SORCS2: variants seen among roughly 807,000 people sequenced by gnomAD.
SORCS2 encodes the protein VPS10 domain-containing receptor SorCS2.
SORCS2 carries 100 observed loss-of-function variants against 141.6 expected under a neutral mutation model. The ratio of observed to expected loss-of-function variants is 0.71; its 90% confidence interval spans 0.60 to 0.83. SORCS2 has a LOEUF of 0.83. Among genes scored for constraint, SORCS2 ranks in the 40% least tolerant of loss-of-function variants. The pLI, the probability that SORCS2 is intolerant of heterozygous loss-of-function variation, is 0.00. For missense variants in SORCS2, 1,646 were observed against 1,560.2 expected, an observed-to-expected ratio of 1.05 and a Z score of -0.93; for synonymous variants, 789 against 676.9, an observed-to-expected ratio of 1.17 and a Z score of -2.57.
intron 2 of SORCS2, among the ~76,000 whole-genome samples, chr4:7,530,332 G>C (rs1327916028): frequency 1.3e-5 from 2 of 152,216 alleles, no homozygotes; most frequent in East Asian, 1.9e-4. Context: ...GCTGGGGTCT[G>C]AGGCAGGAGC....
At chr4:7,304,037 C>T (rs900295484) in intron 1 of SORCS2, among the ~76,000 whole-genome samples, 2 of 152,248 alleles carry the variant, frequency 1.3e-5, no homozygotes, top group Non-Finnish European at 2.9e-5. Flanking sequence ...AGATGGAAAC[C>T]CGATGTGGAG....
intron 4 of SORCS2, among the ~76,000 whole-genome samples, chr4:7,653,900 C>G (rs1280781058): frequency 6.6e-6 from 1 of 152,224 alleles, no homozygotes; most frequent in East Asian, 1.9e-4. Flanking sequence ...GGATTTCACC[C>G]TGGAGAACCT....
intron 10 of SORCS2, among the ~76,000 whole-genome samples, chr4:7,684,541 C>T (rs904898390): frequency 2.6e-5 from 4 of 152,238 alleles, no homozygotes; most frequent in African/African-American, 9.6e-5. Context: ...CTGTCTGTTT[C>T]CCACTGTCAC....
intron 1 of SORCS2, among the ~76,000 whole-genome samples, chr4:7,264,920 C>A (rs1352242799): frequency 2.0e-5 from 3 of 152,250 alleles, no homozygotes; most frequent in African/African-American, 7.2e-5. Flanking sequence ...GCTGCTCATT[C>A]CCCTGCGGTG....
intron 2 of SORCS2, among the ~76,000 whole-genome samples, chr4:7,482,460 G>A (rs1206875152): frequency 3.7e-3 from 104 of 28,206 alleles, no homozygotes; most frequent in Middle Eastern, 0.026. Flanking sequence ...CTGTATCCCC[G>A]CTGCGGACAC....
At chr4:7,211,088 AT>A (rs1331557322) in intron 1 of SORCS2, among the ~76,000 whole-genome samples, 1 of 152,138 alleles carries the variant, frequency 6.6e-6, no homozygotes, top group South Asian at 2.1e-4. Flanking sequence ...GCATTTTTGC[AT>A]TTTTTTCTTA....
chr4:7,405,847 T>G (rs2109139591), intron 2 of SORCS2, among the ~76,000 whole-genome samples: 1 of 152,266 alleles, frequency 6.6e-6, no homozygotes, highest in East Asian at 1.9e-4. Flanking sequence ...CTTGGCTGAT[T>G]GCTGTGGCCA....
At chr4:7,706,081 G>T (rs577581999) in intron 14 of SORCS2, among the ~76,000 whole-genome samples, 5 of 143,494 alleles carry the variant, frequency 3.5e-5, no homozygotes, top group East Asian at 2.0e-4. Context: ...GCTGGGCTCT[G>T]CCTGGACAGA....
intron 1 of SORCS2, among the ~76,000 whole-genome samples, chr4:7,210,009 G>A (rs1336530151): frequency 6.6e-6 from 1 of 152,266 alleles, no homozygotes; most frequent in Non-Finnish European, 1.5e-5. Context: ...GACGGGAGCA[G>A]ATGGTGACTT....
chr4:7,516,902 C>G (rs1409074574), intron 2 of SORCS2, among the ~76,000 whole-genome samples: 2 of 152,214 alleles, frequency 1.3e-5, no homozygotes, highest in Non-Finnish European at 2.9e-5. Flanking sequence ...TGTGAGGGCC[C>G]CATTCACAGC....
chr4:7,575,521 T>C (rs1287003845), intron 3 of SORCS2, among the ~76,000 whole-genome samples: 1 of 152,236 alleles, frequency 6.6e-6, no homozygotes, highest in Non-Finnish European at 1.5e-5. Context: ...TTTCATAACA[T>C]TGACAGTTGT....
In SORCS2 at chr4:7,426,789, G is replaced by T. The variant is rs538448318; in HGVS notation, c.548+30434G>T. Among the ~76,000 whole-genome samples, 116 of 152,286 alleles carry T rather than the reference G, an allele frequency of 7.6e-4. 1 individual carries two copies. Among genetic ancestry groups the T allele is most frequent in the African/African-American group, 2.7e-3 (113 of 41,550 alleles). ...GCTTGCCCAGGGTCACACAGGTAGCGAGTGGTGAGGCGAGGCCCTCCCGCA... is the reference window on the plus strand; with the variant it reads ...GCTTGCCCAGGGTCACACAGGTAGCTAGTGGTGAGGCGAGGCCCTCCCGCA... On this transcript the variant is annotated intron_variant, in intron 2 of 26. Transcript: ENST00000507866.
At chr4:7,299,188 TG>T (rs1717271284) in intron 1 of SORCS2, among the ~76,000 whole-genome samples, 1 of 148,764 alleles carries the variant, frequency 6.7e-6, no homozygotes, top group African/African-American at 2.6e-5. Context: ...TGTCCGGGGC[TG>T]GGGGTGGGCC....
At chr4:7,632,721 C>G (rs1213393262) in intron 3 of SORCS2, among the ~76,000 whole-genome samples, 2 of 152,160 alleles carry the variant, frequency 1.3e-5, no homozygotes, top group African/African-American at 4.8e-5. Context: ...ACACCAATGC[C>G]CATTCATTGG....
intron 3 of SORCS2, among the ~76,000 whole-genome samples, chr4:7,545,936 G>C (rs574390687): frequency 6.6e-6 from 1 of 152,318 alleles, no homozygotes; most frequent in East Asian, 1.9e-4. Flanking sequence ...TCAGGTTCTG[G>C]TGAGGGCTGT....
At chr4:7,657,657 G>A (rs1183701039) in intron 5 of SORCS2, among the ~76,000 whole-genome samples, 2 of 152,054 alleles carry the variant, frequency 1.3e-5, no homozygotes, top group African/African-American at 4.8e-5. Context: ...GAGTGACTGA[G>A]TGAATGAGTA....
chr4:7,580,897 AATTATAATAATAGATATGCCCTGGG>A (rs771436263), intron 3 of SORCS2, among the ~76,000 whole-genome samples: 9 of 152,166 alleles, frequency 5.9e-5, no homozygotes, highest in Non-Finnish European at 1.2e-4. Flanking sequence ...GCCTCCCCCA[AATTATAATAATAGATATGCCCTGGG>A]ATTATAATAA....
chr4:7,390,055 C>A (rs1269354408), intron 1 of SORCS2, among the ~76,000 whole-genome samples: 3 of 152,172 alleles, frequency 2.0e-5, no homozygotes, highest in South Asian at 2.1e-4. Context: ...CATGGCCAGT[C>A]CCCACTGTGA....
At chr4:7,237,792 G>A (rs1577309286) in intron 1 of SORCS2, among the ~76,000 whole-genome samples, 1 of 152,098 alleles carries the variant, frequency 6.6e-6, no homozygotes, top group South Asian at 2.1e-4. Flanking sequence ...GCAGAACGAT[G>A]GGCCCAAGGA....
Sources: allele counts gnomAD v4.1 joint callset (sites outside exome capture counted in the v4.1 genomes callset), GRCh38; gene constraint gnomAD v4.1.1; transcripts MANE v1.5; gene names NCBI Gene and HGNC (gene_info 2026-07-23, HGNC 2026-07-21).